COL19A1: variants seen among roughly 807,000 people sequenced by gnomAD.
The protein encoded by COL19A1 is collagen type XIX alpha 1 chain.
In COL19A1, 159 loss-of-function variants were observed where a neutral mutation model predicts 190.2. That is an observed-to-expected ratio of 0.84 (90% CI 0.73 to 0.95). COL19A1 has a LOEUF of 0.95. COL19A1 is among the 40% of genes least tolerant of loss of function. The pLI is 0.00. For synonymous variants in COL19A1, 509 were observed against 458.9 expected (o/e 1.11, Z -1.39); for missense variants, 1,418 against 1,431.9 (o/e 0.99, Z 0.16).
intron 48 of COL19A1, among the ~76,000 whole-genome samples, chr6:70,194,662 A>G (rs6920170): frequency 0.35 from 53,581 of 152,066 alleles, 9,717 homozygotes; most frequent in Middle Eastern, 0.47. Context: ...TGCTGCCCAC[A>G]CAAATGAGGC....
At chr6:70,166,812 T>A (rs1765188241) in intron 37 of COL19A1, among the ~76,000 whole-genome samples, 1 of 152,072 alleles carries the variant, frequency 6.6e-6, no homozygotes, top group South Asian at 2.1e-4. Context: ...GTTACTGACC[T>A]TTTCCCTTGA....
intron 14 of COL19A1, among the ~76,000 whole-genome samples, chr6:70,061,378 A>G (rs1780819116): frequency 6.6e-6 from 1 of 152,026 alleles, no homozygotes; most frequent in Non-Finnish European, 1.5e-5. Flanking sequence ...AATTTCCTCA[A>G]CTTCTAATCA....
intron 4 of COL19A1, among the ~76,000 whole-genome samples, chr6:69,921,482 A>ATATATTCATATATATTCC (rs1771896803): frequency 2.2e-4 from 1 of 4,494 alleles, no homozygotes; most frequent in Admixed American, 2.5e-3. Context: ...ATATATTCAT[A>ATATATTCATATATATTCC]TATATTCATA....
chr6:70,076,112 C>T (rs1240860328), intron 15 of COL19A1, among the ~76,000 whole-genome samples: 1 of 152,090 alleles, frequency 6.6e-6, no homozygotes, highest in Non-Finnish European at 1.5e-5. Flanking sequence ...CTGAGAGCTT[C>T]AGAAAGAAGC....
intron 15 of COL19A1, among the ~76,000 whole-genome samples, chr6:70,087,654 A>G (rs1385939336): frequency 6.6e-6 from 1 of 152,228 alleles, no homozygotes; most frequent in Non-Finnish European, 1.5e-5. Context: ...GGCCAAAGCT[A>G]TAGATACTGA....
At chr6:70,064,244 C>G (rs1187687969) in intron 14 of COL19A1, among the ~76,000 whole-genome samples, 1 of 152,106 alleles carries the variant, frequency 6.6e-6, no homozygotes, top group Non-Finnish European at 1.5e-5. Flanking sequence ...TACTGGAAAA[C>G]CGAATCCAGC....
chr6:70,138,650 G>C (rs3806038), intron 19 of COL19A1, among the ~76,000 whole-genome samples: 2,737 of 152,164 alleles, frequency 0.018, 88 homozygotes, highest in East Asian at 0.14. Flanking sequence ...AAAGTATTCA[G>C]TGTTACAAAG....
chr6:69,981,595 TGAGAG>T (rs1776033945), intron 11 of COL19A1, among the ~76,000 whole-genome samples: 1 of 151,746 alleles, frequency 6.6e-6, no homozygotes, highest in Non-Finnish European at 1.5e-5. Flanking sequence ...AATTAAAAAG[TGAGAG>T]GAGAGTATGA....
intron 11 of COL19A1, among the ~76,000 whole-genome samples, chr6:70,005,350 T>C (rs1478114868): frequency 6.6e-6 from 1 of 152,174 alleles, no homozygotes; most frequent in Non-Finnish European, 1.5e-5. Flanking sequence ...ACTTTTGTTT[T>C]TCTTGATACT....
intron 30 of COL19A1, among the ~76,000 whole-genome samples, 190 bp downstream of exon 30, chr6:70,150,235 A>T (rs1786965668): frequency 6.6e-6 from 1 of 152,124 alleles, no homozygotes; most frequent in Admixed American, 6.6e-5. Flanking sequence ...TGTGTGATGA[A>T]TACTTATTTC....
At chr6:70,042,131 A>G (rs1779664603) in intron 14 of COL19A1, among the ~76,000 whole-genome samples, 1 of 152,138 alleles carries the variant, frequency 6.6e-6, no homozygotes, top group Non-Finnish European at 1.5e-5. Flanking sequence ...AGTGCCTAGC[A>G]GAGATGGGGT....
intron 15 of COL19A1, among the ~76,000 whole-genome samples, chr6:70,092,823 T>C (rs531267050): frequency 6.6e-6 from 1 of 152,304 alleles, no homozygotes; most frequent in South Asian, 2.1e-4. Flanking sequence ...AACTATGTCC[T>C]GTCACTTTAC....
At chr6:70,142,470 G>A (rs760398115) in intron 22 of COL19A1, among the ~76,000 whole-genome samples, 1 of 152,158 alleles carries the variant, frequency 6.6e-6, no homozygotes, top group African/African-American at 2.4e-5. Context: ...TGTCCCAAGA[G>A]AGCAGCTTTT....
chr6:70,130,079 G>T lies in COL19A1; in HGVS notation c.1342-103G>T, dbSNP rs1785429826. On this transcript the variant is annotated intron_variant, in intron 17 of 50. Coordinates refer to ENST00000620364, the MANE Select transcript of COL19A1 (RefSeq NM_001858.6). ...ACAAATGACCTAGTATCCATAAAAA[G>T]CGGTTACAGAACTATTATCTGACTG... The T allele has an allele frequency of 7.7e-6, 9 of 1,175,488 alleles. No individual in the cohort carries two copies. In the South Asian group the frequency reaches 1.3e-4, roughly 17 times the overall value. 72.8% of individuals were successfully genotyped at this position (1,175,488 alleles called of 1,614,324 possible). A position where few individuals can be genotyped will look rare whatever the true frequency, so the allele number is the denominator to read the frequency against.
At chr6:70,174,180 A>G (rs577856719) in intron 41 of COL19A1, among the ~76,000 whole-genome samples, 26 of 152,338 alleles carry the variant, frequency 1.7e-4, no homozygotes, top group African/African-American at 6.0e-4. Flanking sequence ...GAGAAGGTCC[A>G]TAGTTCAGGG....
intron 31 of COL19A1, among the ~76,000 whole-genome samples, chr6:70,155,296 T>C (rs1787365960): frequency 6.6e-6 from 1 of 152,182 alleles, no homozygotes; most frequent in Non-Finnish European, 1.5e-5. Context: ...TAAGTTGTCC[T>C]ACCTTCTGTC....
At position 69,871,307 on chromosome 6, in the gene COL19A1, A is replaced by G. The variant is rs996706020; in HGVS notation, c.-33+4667A>G. Among the ~76,000 whole-genome samples the G allele has an allele frequency of 8.5e-5, 13 of 152,280 alleles. 1 individual carries two copies. Among genetic ancestry groups the G allele is most frequent in the African/African-American group, 2.9e-4 (12 of 41,556 alleles). On this transcript the variant is annotated intron_variant, in intron 1 of 50. Coordinates refer to ENST00000620364, the MANE Select transcript of COL19A1 (RefSeq NM_001858.6). ...TGTGTAACACCTGTTGTTTTTGCTT[A>G]TTTACACAATGTGTCACTTCATAAC...
chr6:70,096,088 T>TTA (rs993001216), intron 15 of COL19A1, among the ~76,000 whole-genome samples: 2 of 151,122 alleles, frequency 1.3e-5, no homozygotes, highest in African/African-American at 4.9e-5. Context: ...AACTCTATTT[T>TTA]TTTTTTTTTT....
At chr6:70,104,435 C>T (rs980123611) in intron 16 of COL19A1, among the ~76,000 whole-genome samples, 1 of 152,056 alleles carries the variant, frequency 6.6e-6, no homozygotes, top group Non-Finnish European at 1.5e-5. Context: ...AACCTAATCT[C>T]GTGAGAACTC....
Sources: allele counts gnomAD v4.1 joint callset (sites outside exome capture counted in the v4.1 genomes callset), GRCh38; gene constraint gnomAD v4.1.1; transcripts MANE v1.5; gene names NCBI Gene and HGNC (gene_info 2026-07-23, HGNC 2026-07-21).